Variants in NSUN2 observed in about 807,000 individuals in gnomAD.
NSUN2 encodes NOP2/Sun RNA methyltransferase 2.
Under a neutral mutation model 92.7 loss-of-function variants are expected in NSUN2, and 63 were observed. The observed-to-expected ratio is 0.68, with a 90% CI of 0.56 to 0.84. The LOEUF is 0.84. Among genes scored for constraint, NSUN2 ranks in the 40% least tolerant of loss-of-function variants. The pLI is 0.00. For missense variants in NSUN2, 989 were observed against 964.9 expected (o/e 1.02, Z -0.33); for synonymous variants, 356 against 348.3 (o/e 1.02, Z -0.25).
rs1737624396 is a variant in NSUN2 at position 6,625,615 on chromosome 5, T to C, written c.414A>G (p.Lys138=). Residue 138 remains lysine, a synonymous_variant, in exon 4 of 19, where the codon AAA becomes AAG. Transcript: ENST00000264670. ...HTNLSRKILR[K]SPHLEKFHQF... The stretch of plus-strand genomic sequence containing the variant: ...GATGAAACTTTTCCAAGTGTGGCGA[T>C]TTTCTCAAGATTTTTCGACTTAAAT... 4.3e-6 allele frequency: 7 copies of C among 1,614,228 alleles called. No individual in the cohort carries two copies. Among genetic ancestry groups the C allele is most frequent in the South Asian group, 1.1e-5 (1 of 91,088 alleles).
chr5:6,613,707 T>G (rs1737092767), intron 9 of NSUN2, among the ~76,000 whole-genome samples: 1 of 152,152 alleles, frequency 6.6e-6, no homozygotes, highest in African/African-American at 2.4e-5. Flanking sequence ...GTAATAAAGG[T>G]GCGATTTTGG....
At chr5:6,623,318 G>GAAA in intron 4 of NSUN2, 33 bp from the exon 5 acceptor site, 4 of 1,385,802 alleles carry the variant, frequency 2.9e-6, no homozygotes, top group Admixed American at 2.9e-5. Flanking sequence ...GCAACAATTA[G>GAAA]GAAAAAAAAA....
intron 3 of NSUN2, among the ~76,000 whole-genome samples, chr5:6,630,869 C>T (rs1434353172): frequency 6.6e-6 from 1 of 152,046 alleles, no homozygotes; most frequent in African/African-American, 2.4e-5. Context: ...CCGAGGTGGG[C>T]GGATCATGAG....
chr5:6,599,763 T>C lies in NSUN2; in HGVS notation c.*163A>G, dbSNP rs1159472298. On this transcript the variant is annotated 3_prime_UTR_variant, in exon 19 of 19. Transcript: ENST00000264670. ...TTTTCATCAGCTCCAAAGAAAGCAG[T>C]CCTGGTCATTCAGAAGGCTCCTATG... 2 of 665,506 alleles carry C rather than the reference T, an allele frequency of 3.0e-6. No homozygotes were observed. Among genetic ancestry groups the C allele is most frequent in the Non-Finnish European group, 5.3e-6 (2 of 376,364 alleles). The allele number at this position is 665,506 out of a possible 1,614,324, so 41.2% of individuals were successfully genotyped here.
chr5:6,629,653 A>T (rs1737792722), intron 3 of NSUN2, among the ~76,000 whole-genome samples: 1 of 152,222 alleles, frequency 6.6e-6, no homozygotes, highest in South Asian at 2.1e-4. Flanking sequence ...CTGTCTTCTT[A>T]AAATATTTTA....
chr5:6,626,305 G>T (rs1214406782), intron 3 of NSUN2, among the ~76,000 whole-genome samples: 1 of 151,696 alleles, frequency 6.6e-6, no homozygotes, highest in African/African-American at 2.4e-5. Flanking sequence ...TTCTATAAAT[G>T]ATGACATCAA....
rs113196620 is a variant in NSUN2, at chr5:6,629,925, C to T, written c.359+1948G>A. Among the ~76,000 whole-genome samples the T allele has an allele frequency of 7.6e-3, 1,154 of 152,258 alleles. 13 individuals are homozygous for T. Among genetic ancestry groups the T allele is most frequent in the African/African-American group, 0.027 (1,114 of 41,540 alleles). On this transcript the variant is annotated intron_variant, in intron 3 of 18. Coordinates refer to ENST00000264670, the MANE Select transcript of NSUN2 (RefSeq NM_017755.6). ...TTTAAGCTTCCTGAGGCCTCCCCGG[C>T]GATGTGGAAATGTGAGTCAATTAAG... is the stretch of plus-strand genomic sequence containing the variant.
chr5:6,615,391 A>T (rs1737168695), intron 9 of NSUN2, among the ~76,000 whole-genome samples: 1 of 152,210 alleles, frequency 6.6e-6, no homozygotes, highest in Non-Finnish European at 1.5e-5. Context: ...CAACAGTCCT[A>T]ACAACTGACC....
At chr5:6,618,407 A>G (rs1259429240) in intron 7 of NSUN2, among the ~76,000 whole-genome samples, 1 of 152,264 alleles carries the variant, frequency 6.6e-6, no homozygotes, top group Non-Finnish European at 1.5e-5. Context: ...AATTACATGA[A>G]TAATGACTAA....
At chr5:6,621,204 C>T (rs945051308) in intron 6 of NSUN2, 1 of 152,240 alleles carries the variant, frequency 6.6e-6, no homozygotes, top group South Asian at 2.1e-4. Flanking sequence ...CTGAGCACCT[C>T]GCAAGCTACA....
chr5:6,632,682 G>T lies in NSUN2; in HGVS notation c.171C>A (p.Ile57=). Residue 57 remains isoleucine, a synonymous_variant, in exon 2 of 19, where the codon ATC becomes ATA. Transcript: ENST00000264670. ...ACTGGCCCCACTCGCCCTCGGGCACGATCTTGAGCTCCTGGTAGTAGTGCT... is the reference window on the plus strand; with the variant it reads ...ACTGGCCCCACTCGCCCTCGGGCACTATCTTGAGCTCCTGGTAGTAGTGCT... ...LFEHYYQELK[I]VPEGEWGQFM... 1 of 1,614,136 alleles carries T rather than the reference G, an allele frequency of 6.2e-7. No homozygotes were observed. The highest frequency in any genetic ancestry group is 8.5e-7 in the Non-Finnish European group (1 of 1,180,014).
At chr5:6,604,055 T>C in intron 17 of NSUN2, 83 bp downstream of exon 17, 1 of 1,192,490 alleles carries the variant, frequency 8.4e-7, no homozygotes, top group East Asian at 2.4e-5. Flanking sequence ...TTGATAAATA[T>C]GCCCCAACGC....
At chr5:6,617,106 A>C (rs1223244789) in intron 8 of NSUN2, among the ~76,000 whole-genome samples, 1 of 152,206 alleles carries the variant, frequency 6.6e-6, no homozygotes, top group Non-Finnish European at 1.5e-5. Context: ...CCAGCAGAGT[A>C]TAAAGTTCAG....
intron 5 of NSUN2, 59 bp from the exon 6 acceptor site, chr5:6,622,159 A>G (rs1560982601): frequency 2.3e-6 from 3 of 1,323,156 alleles, no homozygotes; most frequent in Non-Finnish European, 1.1e-6. Flanking sequence ...TCTACATTTA[A>G]TTTAAAGCAA....
chr5:6,606,868 T>C lies in NSUN2; in HGVS notation c.1553A>G (p.Asp518Gly), dbSNP rs748801824. Residue 518 changes from aspartate to glycine, a missense_variant, in exon 14 of 19, where the codon GAT becomes GGT. Physicochemically the swap from Asp to Gly is moderately conservative, Grantham distance 94. Coordinates refer to ENST00000264670, the MANE Select transcript of NSUN2 (RefSeq NM_017755.6). ...KKMKLFGFKE[D>G]PFVFIPEDDP... ...ATCTTCAGGAATAAATACAAATGGA[T>C]CTTCTTTAAATCCAAATAACTTCAT... 1 of 1,597,334 alleles carries C rather than the reference T, an allele frequency of 6.3e-7. No individual in the cohort carries two copies. Among genetic ancestry groups the C allele is most frequent in the Non-Finnish European group, 8.6e-7 (1 of 1,165,068 alleles).
rs945632305 is a variant in NSUN2, at chr5:6,633,035, C to A, written c.-56G>T. 7.2e-7 allele frequency: 1 copy of A among 1,390,902 alleles called. No homozygotes were observed. Among genetic ancestry groups the A allele is most frequent in the African/African-American group, 1.5e-5 (1 of 65,646 alleles). The allele number at this position is 1,390,902 out of a possible 1,614,324, so 86.2% of individuals were successfully genotyped here. A position where few individuals can be genotyped will look rare whatever the true frequency, so the allele number is the denominator to read the frequency against. The stretch of plus-strand genomic sequence containing the variant: ...AAACCGGCCCGCCACGGCCAGAACT[C>A]TAGCCCTACACCTCCCGGGACTTCC... On this transcript the variant is annotated 5_prime_UTR_variant, in exon 1 of 19. Transcript: ENST00000264670.
chr5:6,620,772 T>C (rs1230732304), intron 6 of NSUN2: 2 of 152,820 alleles, frequency 1.3e-5, no homozygotes, highest in Non-Finnish European at 2.9e-5. Context: ...CTGGGAAGTC[T>C]ACTGGGTGTA....
chr5:6,610,548 C>T (rs950783642), intron 11 of NSUN2, among the ~76,000 whole-genome samples: 2 of 151,912 alleles, frequency 1.3e-5, no homozygotes, highest in African/African-American at 4.8e-5. Context: ...AAAAATTAGC[C>T]AGGCATGCAC....
chr5:6,610,638 C>T (rs966688491), intron 11 of NSUN2, among the ~76,000 whole-genome samples: 2 of 149,850 alleles, frequency 1.3e-5, no homozygotes, highest in African/African-American at 2.5e-5. Context: ...GAGCCGAGAT[C>T]GAGCTACTAC....
Sources: gnomAD v4.1 joint callset for allele counts (sites outside exome capture counted in the v4.1 genomes callset) on GRCh38, gnomAD v4.1.1 for gene constraint, MANE v1.5 for transcripts, NCBI Gene and HGNC (gene_info 2026-07-23, HGNC 2026-07-21) for gene names.